Variants in HHLA1 observed in about 807,000 individuals in gnomAD.
The protein encoded by HHLA1 is HERV-H LTR-associating protein 1.
In HHLA1, 72 loss-of-function variants were observed where a neutral mutation model predicts 69.9. The ratio of observed to expected loss-of-function variants is 1.03; its 90% CI spans 0.85 to 1.25. The LOEUF is 1.25. Ranked by LOEUF, HHLA1 falls within the 50% of genes most tolerant of loss-of-function variation. The pLI, the probability that HHLA1 is intolerant of heterozygous loss-of-function variation, is 0.00. For missense variants in HHLA1, 685 were observed against 642.2 expected (o/e 1.07, Z -0.72); for synonymous variants, 252 against 233.2 (o/e 1.08, Z -0.73).
In HHLA1 at chr8:132,062,081, T is replaced by G. The variant is rs1189876587; in HGVS notation, c.*1914A>C. The G allele has an allele frequency of 6.6e-6, 1 of 152,180 alleles. No individual in the cohort carries two copies. The highest frequency in any genetic ancestry group is 1.5e-5 in the Non-Finnish European group (1 of 68,044). 9.4% of individuals were successfully genotyped at this position (152,180 alleles called of 1,614,324 possible). A position where few individuals can be genotyped will look rare whatever the true frequency, so the allele number is the denominator to read the frequency against. ...TCTTTGAGGAACCTTGAGGACCCTCTCCTGTCAAAGGTCCTTAATTAATAT... is the reference window on the plus strand; with the variant it reads ...TCTTTGAGGAACCTTGAGGACCCTCGCCTGTCAAAGGTCCTTAATTAATAT... On this transcript the variant is annotated 3_prime_UTR_variant, in exon 17 of 17. Coordinates refer to ENST00000414222, the MANE Select transcript of HHLA1 (RefSeq NM_001145095.3).
chr8:132,078,479 T>C (rs1307698506), intron 11 of HHLA1, among the ~76,000 whole-genome samples: 1 of 152,192 alleles, frequency 6.6e-6, no homozygotes, highest in African/African-American at 2.4e-5. Context: ...AGGATTGTTA[T>C]TAGTTAAGAA....
chr8:132,100,183 TACCCCC>T (rs1215952782), intron 3 of HHLA1, 49 bp from the exon 4 acceptor site: 2 of 1,369,314 alleles, frequency 1.5e-6, no homozygotes, highest in Admixed American at 3.9e-5. Flanking sequence ...GTCCAGTTCC[TACCCCC>T]AGGAATGGAA....
In HHLA1 at chr8:132,065,943, A is replaced by G. The variant is rs1420571594; in HGVS notation, c.1495T>C (p.Phe499Leu). The G allele has an allele frequency of 7.7e-7, 1 of 1,301,066 alleles. No individual in the cohort carries two copies. The highest frequency in any genetic ancestry group is 5.5e-5 in the East Asian group (1 of 18,020). The allele number at this position is 1,301,066 out of a possible 1,614,324, so 80.6% of individuals were successfully genotyped here. ...CAGATATATGTTGCATTCTTCAGAA[A>G]CCAGGAATAGTATTCAAGACAGTAT... ...MRYCLEYYSW[F>L]LKNATYICQR... The change falls in exon 16 of 17, where the codon TTT becomes CTT. Residue 499 changes from phenylalanine to leucine, a missense_variant. By Grantham distance (22) the Phe-to-Leu change is conservative. Transcript: ENST00000414222.
chr8:132,106,053 T>C (rs759358004), intron 1 of HHLA1, among the ~76,000 whole-genome samples: 4 of 152,208 alleles, frequency 2.6e-5, no homozygotes, highest in Non-Finnish European at 4.4e-5. Context: ...AGATGCCACA[T>C]TGAACACTAT....
rs1245715501 is a variant in HHLA1, at chr8:132,062,766, C to T, written c.*1229G>A. Reference sequence around the variant, plus strand: ...TGGGGATGCAGAAGAAAGTTGACTCCACAGACGTACTCCACAGATGAGCTC... The same window carrying T: ...TGGGGATGCAGAAGAAAGTTGACTCTACAGACGTACTCCACAGATGAGCTC... On this transcript the variant is annotated 3_prime_UTR_variant, in exon 17 of 17. Coordinates refer to ENST00000414222, the MANE Select transcript of HHLA1 (RefSeq NM_001145095.3). The T allele has an allele frequency of 6.6e-6, 1 of 152,216 alleles. No individual in the cohort carries two copies. Among genetic ancestry groups the T allele is most frequent in the Admixed American group, 6.5e-5 (1 of 15,280 alleles). The allele number at this position is 152,216 out of a possible 1,614,324, so 9.4% of individuals were successfully genotyped here. A position where few individuals can be genotyped will look rare whatever the true frequency, so the allele number is the denominator to read the frequency against.
intron 5 of HHLA1, among the ~76,000 whole-genome samples, chr8:132,098,625 C>G (rs1350040200): frequency 2.0e-5 from 3 of 151,974 alleles, no homozygotes; most frequent in African/African-American, 7.3e-5. Flanking sequence ...CTGCACGCAG[C>G]TAATTTTTGT....
Position 132,066,440 on chromosome 8 carries a change from G to C in HHLA1, c.1470-472C>G, listed in dbSNP as rs190220406. 4.1e-4 allele frequency among the ~76,000 whole-genome samples: 63 copies of C among 152,312 alleles called. 1 individual carries two copies. Among genetic ancestry groups the C allele is most frequent in the African/African-American group, 1.5e-3 (63 of 41,572 alleles). On this transcript the variant is annotated intron_variant, in intron 15 of 16. Transcript: ENST00000414222. ...ATGAGAGAGAGAGTGGAGTGCTGCT[G>C]TCATTATCAATGCAGCAAACACTTT... is the stretch of plus-strand genomic sequence containing the variant.
intron 10 of HHLA1, among the ~76,000 whole-genome samples, chr8:132,083,388 C>A (rs373310378): frequency 1.3e-5 from 2 of 151,820 alleles, no homozygotes; most frequent in Admixed American, 6.6e-5. Flanking sequence ...GAGTGGGTAG[C>A]CTCCGTATTG....
chr8:132,072,697 A>G (rs1404680594), intron 14 of HHLA1, among the ~76,000 whole-genome samples: 2 of 152,234 alleles, frequency 1.3e-5, no homozygotes, highest in Admixed American at 1.3e-4. Context: ...GTTATTGTCT[A>G]GCAGACTCTC....
chr8:132,071,621 A>C, intron 14 of HHLA1, 128 bp from the exon 15 acceptor site: 1 of 803,664 alleles, frequency 1.2e-6, no homozygotes, highest in Non-Finnish European at 2.0e-6. Flanking sequence ...AGACAGGTAA[A>C]CATAGCATTC....
At chr8:132,092,900 A>G (rs184093896) in intron 7 of HHLA1, among the ~76,000 whole-genome samples, 6 of 152,344 alleles carry the variant, frequency 3.9e-5, no homozygotes, top group Admixed American at 3.9e-4. Context: ...AGGCAAAGCA[A>G]CAAGCTAGAA....
chr8:132,076,432 A>AACCCCCCCT, intron 13 of HHLA1, 43 bp downstream of exon 13: 1 of 287,740 alleles, frequency 3.5e-6, no homozygotes, highest in East Asian at 6.9e-5. Flanking sequence ...CACCCCTCCC[A>AACCCCCCCT]TCCCCCACCC....
intron 10 of HHLA1, among the ~76,000 whole-genome samples, chr8:132,083,620 C>T (rs1333962441): frequency 2.0e-5 from 3 of 152,266 alleles, no homozygotes; most frequent in South Asian, 4.1e-4. Context: ...AGTGGGGTCC[C>T]ACACAGATGG....
intron 8 of HHLA1, 96 bp downstream of exon 8, chr8:132,089,420 A>G (rs569986401): frequency 1.2e-4 from 86 of 728,682 alleles, no homozygotes; most frequent in Non-Finnish European, 2.0e-4. Context: ...CCTGGCCTAT[A>G]GCAGGGGTTG....
intron 7 of HHLA1, among the ~76,000 whole-genome samples, chr8:132,091,368 A>G (rs1823943396): frequency 6.6e-6 from 1 of 152,210 alleles, no homozygotes; most frequent in South Asian, 2.1e-4. Flanking sequence ...CCCAAGGCTC[A>G]GAAAGATGAT....
chr8:132,069,462 G>A (rs1169127538), intron 15 of HHLA1, among the ~76,000 whole-genome samples: 1 of 152,080 alleles, frequency 6.6e-6, no homozygotes, highest in Non-Finnish European at 1.5e-5. Context: ...CCTATATTCA[G>A]TGTATGAGTT....
At chr8:132,077,101 C>G (rs1166193817) in intron 12 of HHLA1, among the ~76,000 whole-genome samples, 1 of 151,942 alleles carries the variant, frequency 6.6e-6, no homozygotes, top group Non-Finnish European at 1.5e-5. Context: ...TGTAGGAGAC[C>G]AGTGAGAGAG....
At chr8:132,079,614 G>T in intron 11 of HHLA1, 104 bp downstream of exon 11, 2 of 1,237,140 alleles carry the variant, frequency 1.6e-6, no homozygotes, top group African/African-American at 3.1e-5. Flanking sequence ...AACTTCAGTT[G>T]GTGGAGAAGG....
chr8:132,077,996 A>G (rs1823676880), intron 11 of HHLA1, 25 bp from the exon 12 acceptor site: 1 of 1,551,222 alleles, frequency 6.4e-7, no homozygotes, highest in Non-Finnish European at 8.7e-7. Flanking sequence ...TGACAGTAAC[A>G]GGGTACAGAC....
Sources: gnomAD v4.1 joint callset for allele counts (sites outside exome capture counted in the v4.1 genomes callset) on GRCh38, gnomAD v4.1.1 for gene constraint, MANE v1.5 for transcripts, NCBI Gene and HGNC (gene_info 2026-07-23, HGNC 2026-07-21) for gene names.